The following BSN variants were observed in gnomAD, a reference collection of about 807,000 sequenced individuals.
BSN encodes the protein bassoon presynaptic cytomatrix protein.
BSN carries 57 observed loss-of-function variants against 264.8 expected under a neutral mutation model. The ratio of observed to expected loss-of-function variants is 0.22; its 90% confidence interval spans 0.17 to 0.27. The LOEUF (loss-of-function observed/expected upper bound fraction) is 0.27, where lower values mean the gene tolerates loss of function less well. BSN is among the 10% of genes least tolerant of loss of function. BSN has a pLI of 1.00. For synonymous variants in BSN, 2,059 were observed against 2,137.3 expected (o/e 0.96, Z 1.01); for missense variants, 4,615 against 5,232.5 (o/e 0.88, Z 3.64).
intron 1 of BSN, among the ~76,000 whole-genome samples, chr3:49,571,936 C>A (rs1480016666): frequency 6.6e-6 from 1 of 152,202 alleles, no homozygotes; most frequent in Non-Finnish European, 1.5e-5. Context: ...GAAGGCTTTG[C>A]TCCCCAGAGC....
At chr3:49,601,176 T>C (rs1324295796) in intron 1 of BSN, among the ~76,000 whole-genome samples, 1 of 152,152 alleles carries the variant, frequency 6.6e-6, no homozygotes, top group Non-Finnish European at 1.5e-5. Context: ...GAGAACTGGT[T>C]CTCCAAGAGG....
At chr3:49,613,484 A>T (rs529048174) in intron 1 of BSN, among the ~76,000 whole-genome samples, 1 of 151,118 alleles carries the variant, frequency 6.6e-6, no homozygotes, top group South Asian at 2.1e-4. Flanking sequence ...TCAAGTTTTT[A>T]TTATTATTAT....
rs533458463 is a variant in BSN, at chr3:49,565,645, T to C, written c.224+10819T>C. 3.5e-4 allele frequency among the ~76,000 whole-genome samples: 54 copies of C among 152,168 alleles called. No homozygotes were observed. The South Asian group carries it at 0.011, about 31-fold the overall frequency. ...AGGATTTTCATTCAAAATAGAAATA[T>C]ATCATTTCACTCATGAATAGTTTAG... On this transcript the variant is annotated intron_variant, in intron 1 of 11. Coordinates refer to ENST00000296452, the MANE Select transcript of BSN (RefSeq NM_003458.4).
In BSN at chr3:49,669,978, CAG is replaced by C. The variant is rs1291516968; in HGVS notation, c.*2494_*2495del. ...GCTCTGGTTTGCACCATGCATTTCT[CAG>C]GGGTCCGCATTTCTCATGCTTTTCT... is the stretch of plus-strand genomic sequence containing the variant. On this transcript the variant is annotated 3_prime_UTR_variant, in exon 12 of 12. Coordinates refer to ENST00000296452, the MANE Select transcript of BSN (RefSeq NM_003458.4). The C allele has an allele frequency of 6.5e-6, 1 of 152,696 alleles. No individual in the cohort carries two copies. Among genetic ancestry groups the C allele is most frequent in the Non-Finnish European group, 1.5e-5 (1 of 68,068 alleles). The allele number at this position is 152,696 out of a possible 1,614,324, so 9.5% of individuals were successfully genotyped here.
chr3:49,602,961 A>G (rs2052083845), intron 1 of BSN, among the ~76,000 whole-genome samples: 1 of 152,226 alleles, frequency 6.6e-6, no homozygotes, highest in Non-Finnish European at 1.5e-5. Flanking sequence ...GAGTCAGGGC[A>G]TGGCACGGAA....
intron 1 of BSN, among the ~76,000 whole-genome samples, chr3:49,597,531 A>G (rs1217170110): frequency 1.3e-5 from 2 of 151,752 alleles, no homozygotes; most frequent in Admixed American, 6.6e-5. Context: ...GGGTCTCACT[A>G]TGTTGCCCAG....
In BSN at chr3:49,652,790, G is replaced by A. The variant is rs1178436884; in HGVS notation, c.3234G>A (p.Lys1078=). ...CGGCCCGCAAGACCCGGCGGGACAA[G>A]GAAGAACTGCGGGCCCAGCGGAGGC... The part of the protein sequence containing the change: ...RSTARKTRRD[K]EELRAQRRRE... Residue 1078 remains lysine (K), a synonymous_variant, in exon 5 of 12, where the codon AAG becomes AAA. Transcript: ENST00000296452. 2.6e-6 allele frequency: 4 copies of A among 1,552,804 alleles called. No individual in the cohort carries two copies. Among genetic ancestry groups the A allele is most frequent in the Admixed American group, 1.9e-5 (1 of 51,942 alleles).
chr3:49,659,089 G>A (rs777937840), intron 5 of BSN, among the ~76,000 whole-genome samples: 2 of 152,248 alleles, frequency 1.3e-5, no homozygotes, highest in African/African-American at 2.4e-5. Flanking sequence ...GGAGGCAGGA[G>A]CCAGAGGCAT....
At chr3:49,667,308 C>CAAA (rs34434564) in intron 11 of BSN, among the ~76,000 whole-genome samples, 1 of 118,090 alleles carries the variant, frequency 8.5e-6, no homozygotes, top group East Asian at 2.3e-4. Context: ...ACTCTTAAGC[C>CAAA]AAAAAAAAAA....
Position 49,658,094 on chromosome 3 carries a change from G to A in BSN, c.8538G>A (p.Leu2846=). 6.2e-7 allele frequency: 1 copy of A among 1,613,226 alleles called. No individual in the cohort carries two copies. The highest frequency in any genetic ancestry group is 8.5e-7 in the Non-Finnish European group (1 of 1,179,964). The part of the protein sequence containing the change: ...QQTLPRPMKT[L]QRSLSDPKPL... ...CGCTGCCTCGCCCCATGAAGACCCT[G>A]CAGCGGTCCCTGTCTGACCCTAAGC... The change falls in exon 5 of 12, where the codon CTG becomes CTA. Residue 2846 remains leucine, a synonymous_variant. Coordinates refer to ENST00000296452, the MANE Select transcript of BSN (RefSeq NM_003458.4).
chr3:49,558,494 GA>G (rs1434501158), intron 1 of BSN, among the ~76,000 whole-genome samples: 1 of 152,210 alleles, frequency 6.6e-6, no homozygotes, highest in Admixed American at 6.5e-5. Flanking sequence ...ACCATACCCC[GA>G]ATTCCTTTTT....
At chr3:49,560,754 G>A (rs1227008040) in intron 1 of BSN, among the ~76,000 whole-genome samples, 1 of 152,196 alleles carries the variant, frequency 6.6e-6, no homozygotes, top group Non-Finnish European at 1.5e-5. Flanking sequence ...AAGCTGTGGA[G>A]TGAATTGGGA....
intron 1 of BSN, among the ~76,000 whole-genome samples, chr3:49,613,598 G>A (rs1009392564): frequency 6.6e-6 from 1 of 151,510 alleles, no homozygotes; most frequent in African/African-American, 2.4e-5. Context: ...GAGTTCAAGC[G>A]ATTCTTCTGC....
chr3:49,583,905 G>A (rs951495824), intron 1 of BSN, among the ~76,000 whole-genome samples: 2 of 151,902 alleles, frequency 1.3e-5, no homozygotes, highest in South Asian at 2.1e-4. Context: ...ATGGAGTCTC[G>A]CACTGTCGCC....
chr3:49,579,707 C>CACCTTT, intron 1 of BSN, among the ~76,000 whole-genome samples: 1 of 151,912 alleles, frequency 6.6e-6, no homozygotes, highest in Non-Finnish European at 1.5e-5. Flanking sequence ...AGGTGTGAGC[C>CACCTTT]ACCGCACCTG....
At chr3:49,583,549 G>T (rs1318647690) in intron 1 of BSN, among the ~76,000 whole-genome samples, 1 of 152,126 alleles carries the variant, frequency 6.6e-6, no homozygotes, top group East Asian at 1.9e-4. Flanking sequence ...GTTCGAGGCT[G>T]CAGTGAGCTA....
chr3:49,597,288 G>A (rs926095249), intron 1 of BSN, among the ~76,000 whole-genome samples: 6 of 152,080 alleles, frequency 3.9e-5, no homozygotes, highest in African/African-American at 9.7e-5. Context: ...CAGCTCAAAT[G>A]TAGGATTTTT....
downstream of BSN, among the ~76,000 whole-genome samples, chr3:49,671,816 G>A (rs1054683778): frequency 1.3e-5 from 2 of 151,360 alleles, no homozygotes; most frequent in African/African-American, 4.8e-5. This position sits in a 1 kb window ranked among gnomAD's most constrained non-coding sequence, Gnocchi z 4.1. Flanking sequence ...ATGGCCTTCA[G>A]GTGTGTTGGC....
Position 49,650,674 on chromosome 3 carries a change from G to T in BSN, c.1581G>T (p.Glu527Asp). ...GGCTACTGGAGGGCAGCCTAGGAGA[G>T]CCGACCCCCCTGCCGCCGCCCACCT... ...TKRLLEGSLG[E>D]PTPLPPPTSQ... The change falls in exon 4 of 12, where the codon GAG becomes GAT. Residue 527 changes from glutamate (E) to aspartate (D), a missense_variant. Coordinates refer to ENST00000296452, the MANE Select transcript of BSN (RefSeq NM_003458.4). The T allele has an allele frequency of 6.2e-7, 1 of 1,610,202 alleles. No individual in the cohort carries two copies. Among genetic ancestry groups the T allele is most frequent in the Non-Finnish European group, 8.5e-7 (1 of 1,179,016 alleles).
Sources: allele counts gnomAD v4.1 joint callset (sites outside exome capture counted in the v4.1 genomes callset), GRCh38; gene constraint gnomAD v4.1.1; non-coding constraint Gnocchi (gnomAD v3.1); transcripts MANE v1.5; gene names NCBI Gene and HGNC (gene_info 2026-07-23, HGNC 2026-07-21).